Variants in NIPA1 observed in about 807,000 individuals in gnomAD.
NIPA1 encodes the protein magnesium transporter NIPA1.
Under a neutral mutation model 23.9 loss-of-function variants are expected in NIPA1, and 13 were observed. That is an observed-to-expected ratio of 0.54 (90% CI 0.35 to 0.87). The LOEUF is 0.87. Ranked by LOEUF, NIPA1 falls within the 40% of genes least tolerant of loss-of-function variation. NIPA1 has a pLI of 0.01. For missense variants in NIPA1, 362 were observed against 429.7 expected, an observed-to-expected ratio of 0.84 and a Z score of 1.39; for synonymous variants, 234 against 202.9, an observed-to-expected ratio of 1.15 and a Z score of -1.30.
At chr15:22,786,875 G>C in intron 1 of NIPA1, 41 bp downstream of exon 1, 1 of 508,420 alleles carries the variant, frequency 2.0e-6, no homozygotes, top group Non-Finnish European at 2.8e-6. Flanking sequence ...GCGGGTGGGG[G>C]AGGCGGGCGG....
At chr15:22,814,446 G>A (rs1423003268) in intron 3 of NIPA1, among the ~76,000 whole-genome samples, 2 of 151,996 alleles carry the variant, frequency 1.3e-5, no homozygotes, top group South Asian at 2.1e-4. Context: ...CTCGTGATCC[G>A]CCCGCCGTCC....
intron 1 of NIPA1, among the ~76,000 whole-genome samples, chr15:22,806,678 G>C (rs1895218573): frequency 6.6e-6 from 1 of 152,212 alleles, no homozygotes; most frequent in East Asian, 1.9e-4. Flanking sequence ...AGTGCTTAGG[G>C]GCAGCAATGC....
intron 1 of NIPA1, among the ~76,000 whole-genome samples, chr15:22,801,413 A>T (rs1207208369): frequency 6.6e-6 from 1 of 150,390 alleles, no homozygotes; most frequent in Admixed American, 6.6e-5. Flanking sequence ...GGCAGTGTTG[A>T]TCACTGTGGT....
intron 1 of NIPA1, among the ~76,000 whole-genome samples, chr15:22,794,686 C>T (rs1332557290): frequency 6.6e-6 from 1 of 152,020 alleles, no homozygotes; most frequent in Non-Finnish European, 1.5e-5. Context: ...TCCACACTTG[C>T]ACTGGCTCTG....
chr15:22,792,783 G>A (rs919595670), intron 1 of NIPA1, among the ~76,000 whole-genome samples: 13 of 151,760 alleles, frequency 8.6e-5, no homozygotes, highest in African/African-American at 3.1e-4. Context: ...GTGAAACCCC[G>A]TCTGTACTAA....
intron 3 of NIPA1, among the ~76,000 whole-genome samples, chr15:22,815,881 T>C (rs189076338): frequency 1.3e-5 from 2 of 152,282 alleles, no homozygotes; most frequent in African/African-American, 4.8e-5. Flanking sequence ...AATTATGTGG[T>C]ACAATTCAAT....
At chr15:22,795,955 A>G (rs1310344228) in intron 1 of NIPA1, among the ~76,000 whole-genome samples, 1 of 151,878 alleles carries the variant, frequency 6.6e-6, no homozygotes, top group East Asian at 1.9e-4. Flanking sequence ...TTTTTAAGAC[A>G]GGGTCTTTTT....
At position 22,816,178 on chromosome 15, in the gene NIPA1, A is replaced by ATTT. The variant is rs71117481; in HGVS notation, c.317+3952_317+3954dup. ...ATTGCCTTTATTGGCAGAAGACCTG[A>ATTT]TTTTTTTTTTTTTTTTTTTTTTTTT... is the stretch of plus-strand genomic sequence containing the variant. On this transcript the variant is annotated intron_variant, in intron 3 of 4. Transcript: ENST00000337435. Among the ~76,000 whole-genome samples, 523 of 77,490 alleles carry ATTT rather than the reference A, an allele frequency of 6.7e-3. 54 individuals are homozygous for ATTT. Among genetic ancestry groups the ATTT allele is most frequent in the African/African-American group, 0.025 (482 of 18,958 alleles). 50.8% of individuals were successfully genotyped at this position (77,490 alleles called of 152,430 possible).
intron 3 of NIPA1, among the ~76,000 whole-genome samples, chr15:22,819,106 T>C (rs958770258): frequency 6.6e-5 from 10 of 152,160 alleles, no homozygotes; most frequent in African/African-American, 2.4e-4. Flanking sequence ...CCAATGACAC[T>C]GTTGGGAGCT....
At chr15:22,807,803 T>TGA (rs1491407825) in intron 1 of NIPA1, among the ~76,000 whole-genome samples, 1 of 150,646 alleles carries the variant, frequency 6.6e-6, no homozygotes, top group East Asian at 1.9e-4. Context: ...TGTGTGTGTG[T>TGA]GATGGAGTCT....
At position 22,825,175 on chromosome 15, in the gene NIPA1, G is replaced by C. The variant is rs926612871; in HGVS notation, c.*936G>C. On this transcript the variant is annotated 3_prime_UTR_variant, in exon 5 of 5. Transcript: ENST00000337435. ...CCACCCAGGCCAGATGGTACAGCCT[G>C]TTGCTCCTGGGCCACACACCTGTAC... 2 of 152,220 alleles carry C rather than the reference G, an allele frequency of 1.3e-5. No individual in the cohort carries two copies. Among genetic ancestry groups the C allele is most frequent in the Non-Finnish European group, 2.9e-5 (2 of 68,060 alleles). The allele number at this position is 152,220 out of a possible 1,614,324, so 9.4% of individuals were successfully genotyped here. A position where few individuals can be genotyped will look rare whatever the true frequency, so the allele number is the denominator to read the frequency against.
intron 1 of NIPA1, among the ~76,000 whole-genome samples, chr15:22,806,936 A>G (rs2140863107): frequency 6.6e-6 from 1 of 152,210 alleles, no homozygotes; most frequent in African/African-American, 2.4e-5. Context: ...ACTTTTGTTT[A>G]TGGGTAGGGG....
chr15:22,807,788 G>GTGTA (rs1448998154), intron 1 of NIPA1, among the ~76,000 whole-genome samples: 3 of 151,416 alleles, frequency 2.0e-5, no homozygotes, highest in African/African-American at 7.3e-5. Flanking sequence ...TCACTTGTGT[G>GTGTA]TGTGTGTGTG....
intron 3 of NIPA1, 109 bp from the exon 4 acceptor site, chr15:22,820,204 G>A: frequency 1.2e-6 from 1 of 826,582 alleles, no homozygotes; most frequent in Non-Finnish European, 2.0e-6. Context: ...CTCTTAAAGG[G>A]AAAAAAAGAA....
chr15:22,820,409 C>T lies in NIPA1; in HGVS notation c.414C>T (p.Ile138=), dbSNP rs1004118563. The change falls in exon 4 of 5, where the codon ATC becomes ATT. Residue 138 remains isoleucine, a synonymous_variant. Coordinates refer to ENST00000337435, the MANE Select transcript of NIPA1 (RefSeq NM_144599.5). ...LSCAGSVVLI[I]HSPKSESVTT... ...GTGCAGGCTCCGTCGTGCTGATTAT[C>T]CACTCCCCAAAGTCTGAGAGTGTGA... is the stretch of plus-strand genomic sequence containing the variant. The T allele has an allele frequency of 1.2e-6, 2 of 1,611,938 alleles. No homozygotes were observed. The highest frequency in any genetic ancestry group is 1.3e-5 in the African/African-American group (1 of 74,996).
intron 2 of NIPA1, among the ~76,000 whole-genome samples, chr15:22,811,853 T>C (rs1895323732): frequency 6.6e-6 from 1 of 152,138 alleles, no homozygotes; most frequent in African/African-American, 2.4e-5. Flanking sequence ...TCTGCCTGAT[T>C]TGTGTGAAAA....
chr15:22,820,101 G>A (rs905805530), intron 3 of NIPA1, among the ~76,000 whole-genome samples: 1 of 152,170 alleles, frequency 6.6e-6, no homozygotes, highest in African/African-American at 2.4e-5. Context: ...GGTGGCTGAG[G>A]TAGGAGGATC....
At chr15:22,798,421 A>G (rs1356149943) in intron 1 of NIPA1, among the ~76,000 whole-genome samples, 1 of 149,534 alleles carries the variant, frequency 6.7e-6, no homozygotes, top group East Asian at 2.1e-4. Context: ...TTGTATTTTA[A>G]GTAGAGACGG....
intron 1 of NIPA1, among the ~76,000 whole-genome samples, chr15:22,790,969 C>T (rs1208833335): frequency 6.6e-6 from 1 of 152,206 alleles, no homozygotes; most frequent in African/African-American, 2.4e-5. Context: ...AAATTTTAAG[C>T]TTTAAAAATT....
Sources: gnomAD v4.1 joint callset for allele counts (sites outside exome capture counted in the v4.1 genomes callset) on GRCh38, gnomAD v4.1.1 for gene constraint, MANE v1.5 for transcripts, NCBI Gene and HGNC (gene_info 2026-07-23, HGNC 2026-07-21) for gene names.